SPMIP2: variants seen among roughly 807,000 people sequenced by gnomAD.
SPMIP2 encodes the protein protein SPMIP2.
the SPMIP2 span, among the ~76,000 whole-genome samples, chr4:158,975,918 T>C: frequency 6.6e-6 from 1 of 152,256 alleles, no homozygotes; most frequent in Non-Finnish European, 1.5e-5. Context: ...ATATTGATTC[T>C]TGTTATCCAT....
the SPMIP2 span, among the ~76,000 whole-genome samples, chr4:159,073,694 A>G: frequency 6.6e-6 from 1 of 152,104 alleles, no homozygotes; most frequent in Non-Finnish European, 1.5e-5. Flanking sequence ...TATGTCCAAA[A>G]TACGTCCTAA....
At chr4:158,950,795 C>T in the SPMIP2 span, among the ~76,000 whole-genome samples, 1 of 152,066 alleles carries the variant, frequency 6.6e-6, no homozygotes, top group Admixed American at 6.6e-5. Flanking sequence ...ACTCAGGAGG[C>T]TGAGGCAGAA....
chr4:159,048,865 A>G, the SPMIP2 span, among the ~76,000 whole-genome samples: 1 of 150,452 alleles, frequency 6.6e-6, no homozygotes, highest in Admixed American at 6.7e-5. Context: ...ACACCATCCT[A>G]GGCTTAATAA....
At chr4:159,058,863 A>G in the SPMIP2 span, among the ~76,000 whole-genome samples, 5 of 152,252 alleles carry the variant, frequency 3.3e-5, no homozygotes, top group Non-Finnish European at 5.9e-5. Flanking sequence ...AAGCACTTTC[A>G]TACCCATTAT....
the SPMIP2 span, among the ~76,000 whole-genome samples, chr4:159,020,120 T>TAA: frequency 2.8e-5 from 4 of 141,828 alleles, no homozygotes; most frequent in African/African-American, 1.0e-4. Flanking sequence ...ACTCCATCTT[T>TAA]AAAAAAAAAA....
At chr4:158,945,976 G>A in the SPMIP2 span, among the ~76,000 whole-genome samples, 1 of 152,172 alleles carries the variant, frequency 6.6e-6, no homozygotes, top group Non-Finnish European at 1.5e-5. Flanking sequence ...TCCAGGAGCT[G>A]TTCCCTCGGT....
At chr4:158,987,077 G>A in the SPMIP2 span, among the ~76,000 whole-genome samples, 105,221 of 105,388 alleles carry the variant, frequency 1, 52,533 homozygotes, top group East Asian at 1. Context: ...CAAAACCACA[G>A]TGAGATACCA....
At chr4:158,959,111 T>C in the SPMIP2 span, among the ~76,000 whole-genome samples, 1 of 152,200 alleles carries the variant, frequency 6.6e-6, no homozygotes, top group East Asian at 1.9e-4. Context: ...ATAGCCAACA[T>C]TCTTTCATTC....
At chr4:159,012,147 G>C in the SPMIP2 span, among the ~76,000 whole-genome samples, 1 of 151,978 alleles carries the variant, frequency 6.6e-6, no homozygotes, top group Non-Finnish European at 1.5e-5. Flanking sequence ...GCCAAGAACA[G>C]TAGTTCCATG....
the SPMIP2 span, among the ~76,000 whole-genome samples, chr4:159,021,572 A>G: frequency 2.6e-5 from 4 of 152,374 alleles, no homozygotes; most frequent in African/African-American, 9.6e-5. Flanking sequence ...ACATGTGGAC[A>G]ATAATTCCAC....
At chr4:158,975,116 T>C in the SPMIP2 span, among the ~76,000 whole-genome samples, 1 of 152,258 alleles carries the variant, frequency 6.6e-6, no homozygotes, top group Admixed American at 6.6e-5. Flanking sequence ...TTTTGAAAAG[T>C]ATCTGTTCAT....
At chr4:158,981,188 A>G in the SPMIP2 span, among the ~76,000 whole-genome samples, 1 of 152,244 alleles carries the variant, frequency 6.6e-6, no homozygotes, top group Non-Finnish European at 1.5e-5. Context: ...CAAAGCCTCC[A>G]AGAAATATGA....
chr4:158,934,964 G>A, the SPMIP2 span, among the ~76,000 whole-genome samples: 1 of 152,064 alleles, frequency 6.6e-6, no homozygotes. Flanking sequence ...TATATATCAG[G>A]TATTCTTTCT....
the SPMIP2 span, among the ~76,000 whole-genome samples, chr4:158,970,887 C>T: frequency 3.9e-5 from 6 of 152,068 alleles, no homozygotes; most frequent in African/African-American, 7.2e-5. Flanking sequence ...AGTTTCTGAG[C>T]GTGCCACAGC....
At chr4:159,009,322 T>C in the SPMIP2 span, among the ~76,000 whole-genome samples, 1 of 152,340 alleles carries the variant, frequency 6.6e-6, no homozygotes, top group South Asian at 2.1e-4. Context: ...GCCCACCTTA[T>C]ATCTCCTAAA....
At chr4:158,939,253 A>G in the SPMIP2 span, among the ~76,000 whole-genome samples, 10 of 152,252 alleles carry the variant, frequency 6.6e-5, no homozygotes, top group Non-Finnish European at 1.3e-4. Context: ...TTAACTAAGA[A>G]TAAAGTTGAT....
chr4:159,024,079 T>C, the SPMIP2 span, among the ~76,000 whole-genome samples: 4 of 152,194 alleles, frequency 2.6e-5, no homozygotes, highest in African/African-American at 7.2e-5. Flanking sequence ...GGGCAATCCA[T>C]CTGTGTTCAT....
At chr4:159,074,039 G>C in the SPMIP2 span, among the ~76,000 whole-genome samples, 2 of 151,966 alleles carry the variant, frequency 1.3e-5, no homozygotes, top group Admixed American at 6.6e-5. Context: ...TTCCAGTGGA[G>C]GCTTTCTGAA....
the SPMIP2 span, chr4:158,904,373 CTAGAAATAATACTTTCTCATAAA>C: frequency 9.6e-6 from 11 of 1,141,662 alleles, no homozygotes; most frequent in South Asian, 1.3e-4. Context: ...AACTTAGTAC[CTAGAAATAATACTTTCTCATAAA>C]AAGAAATAAT....
Sources: gnomAD v4.1 joint callset for allele counts (sites outside exome capture counted in the v4.1 genomes callset) on GRCh38, gnomAD v4.1.1 for gene constraint, MANE v1.5 for transcripts, NCBI Gene and HGNC (gene_info 2026-07-23, HGNC 2026-07-21) for gene names.